The following GIPR variants were observed in gnomAD, a reference collection of about 807,000 sequenced individuals.
The protein encoded by GIPR is GIP-R.
GIPR carries 74 observed loss-of-function variants against 62.2 expected under a neutral mutation model. The ratio of observed to expected loss-of-function variants is 1.19; its 90% CI spans 0.99 to 1.44. The LOEUF (loss-of-function observed/expected upper bound fraction) is 1.44. Among genes scored for constraint, GIPR ranks in the 40% most tolerant of loss-of-function variants. The pLI is 0.00. For synonymous variants in GIPR, 256 were observed against 262.2 expected (o/e 0.98, Z 0.23); for missense variants, 664 against 611.8 (o/e 1.09, Z -0.90).
chr19:45,670,951 C>T (rs112552339), intron 3 of GIPR, among the ~76,000 whole-genome samples: 1 of 151,670 alleles, frequency 6.6e-6, no homozygotes, highest in African/African-American at 2.4e-5. Flanking sequence ...TTGGGCGGGG[C>T]CTGCACAGAA....
Position 45,670,749 on chromosome 19 carries a change from G to T in GIPR, c.172+15G>T, listed in dbSNP as rs1975491245. On this transcript the variant is annotated intron_variant, in intron 3 of 13. Coordinates refer to ENST00000590918, the MANE Select transcript of GIPR (RefSeq NM_000164.4). Reference sequence around the variant, plus strand: ...ACCGCCTTCAGGTGTGACCAGGAGGGCTGGGGACGCGGGGAGGACCTGAGG... The same window carrying T: ...ACCGCCTTCAGGTGTGACCAGGAGGTCTGGGGACGCGGGGAGGACCTGAGG... 6.5e-7 allele frequency: 1 copy of T among 1,534,278 alleles called. No individual in the cohort carries two copies. The highest frequency in any genetic ancestry group is 8.9e-7 in the Non-Finnish European group (1 of 1,117,502).
At chr19:45,673,791 G>C (rs892174526) in intron 5 of GIPR, among the ~76,000 whole-genome samples, 4 of 152,214 alleles carry the variant, frequency 2.6e-5, no homozygotes, top group South Asian at 2.1e-4. Context: ...TTGGGCCCTG[G>C]GGGGCGAGGC....
At chr19:45,680,899 C>T (rs921908458) in intron 12 of GIPR, among the ~76,000 whole-genome samples, 5 of 150,678 alleles carry the variant, frequency 3.3e-5, no homozygotes, top group Non-Finnish European at 5.9e-5. Flanking sequence ...TAAATTTTCA[C>T]AACTACTACT....
At chr19:45,670,604 T>C in intron 2 of GIPR, 31 bp from the exon 3 acceptor site, 1 of 1,515,666 alleles carries the variant, frequency 6.6e-7, no homozygotes, top group Non-Finnish European at 9.1e-7. Context: ...GGGGTCGGTC[T>C]GGGGGGGTCC....
At position 45,676,937 on chromosome 19, in the gene GIPR, G is replaced by A. The variant is rs1170219555; in HGVS notation, c.634-12G>A. 1 of 1,613,300 alleles carries A rather than the reference G, an allele frequency of 6.2e-7. No individual in the cohort carries two copies. Among genetic ancestry groups the A allele is most frequent in the South Asian group, 1.1e-5 (1 of 91,076 alleles). ...CGCTGACTACCCCTCTACCGGTCTGGCCCCTCCCTAGGCCCTCGCTGCCTG... is the reference window on the plus strand; with the variant it reads ...CGCTGACTACCCCTCTACCGGTCTGACCCCTCCCTAGGCCCTCGCTGCCTG... On this transcript the variant is annotated splice_polypyrimidine_tract_variant and intron_variant, in intron 7 of 13. Transcript: ENST00000590918.
chr19:45,678,987 C>T (rs1967098117), intron 12 of GIPR, among the ~76,000 whole-genome samples: 1 of 152,218 alleles, frequency 6.6e-6, no homozygotes, highest in Non-Finnish European at 1.5e-5. Flanking sequence ...TGCTTCACCT[C>T]ATTCGGCCTG....
intron 7 of GIPR, among the ~76,000 whole-genome samples, chr19:45,675,723 C>T (rs1274493800): frequency 6.6e-6 from 1 of 151,076 alleles, no homozygotes; most frequent in Non-Finnish European, 1.5e-5. Flanking sequence ...CCCACCTCTA[C>T]AAAAACATAC....
rs191937467 is a variant in GIPR, at chr19:45,674,137, G to A, written c.448G>A (p.Ala150Thr). The A allele has an allele frequency of 2.1e-4, 342 of 1,613,434 alleles. No homozygotes were observed. The highest frequency in any genetic ancestry group is 2.6e-4 in the Non-Finnish European group (305 of 1,179,556). Residue 150 changes from alanine (A) to threonine (T), a missense_variant, in exon 6 of 14, where the codon GCC becomes ACC. Coordinates refer to ENST00000590918, the MANE Select transcript of GIPR (RefSeq NM_000164.4). The stretch of plus-strand genomic sequence containing the variant: ...CACTGTCGGCTACTCCCTGTCTCTC[G>A]CCACACTGCTGCTAGCCCTGCTCAT... ...MYTVGYSLSL[A>T]TLLLALLILS...
intron 8 of GIPR, 23 bp downstream of exon 8, chr19:45,677,131 G>T: frequency 6.2e-7 from 1 of 1,610,506 alleles, no homozygotes. Context: ...CCCGTCCCCC[G>T]CCCAACCCAG....
Position 45,681,741 on chromosome 19 carries a change from A to G in GIPR, c.1207A>G (p.Ile403Val), listed in dbSNP as rs370966823. ...CATCGTCTCACAGGTGCAGTCGGAGATCCGCCGTGGCTGGCACCACTGCCG... is the reference window on the plus strand; with the variant it reads ...CATCGTCTCACAGGTGCAGTCGGAGGTCCGCCGTGGCTGGCACCACTGCCG... ...CFINKEVQSE[I>V]RRGWHHCRLR... The change falls in exon 14 of 14, where the codon ATC becomes GTC. Residue 403 changes from isoleucine to valine, a missense_variant. Transcript: ENST00000590918. 44 of 1,610,176 alleles carry G rather than the reference A, an allele frequency of 2.7e-5. No individual in the cohort carries two copies. In the African/African-American group the frequency reaches 5.6e-4, roughly 21 times the overall value.
chr19:45,676,883 C>G (rs770244183), intron 7 of GIPR, 66 bp from the exon 8 acceptor site: 14 of 1,450,356 alleles, frequency 9.7e-6, no homozygotes, highest in South Asian at 1.1e-5. Context: ...GCGATCAAAG[C>G]TGGGGGAGAC....
rs1975779405 is a variant in GIPR at position 45,675,280 on chromosome 19, TAAG to T, written c.633+458_633+460del. The T allele has an allele frequency of 5.7e-5, 11 of 194,632 alleles. No individual in the cohort carries two copies. In the South Asian group the frequency reaches 9.9e-4, roughly 17 times the overall value. 12.1% of individuals were successfully genotyped at this position (194,632 alleles called of 1,614,324 possible). On this transcript the variant is annotated intron_variant, in intron 7 of 13. Coordinates refer to ENST00000590918, the MANE Select transcript of GIPR (RefSeq NM_000164.4). Reference sequence around the variant, plus strand: ...TTGAAAGTTGGACCATACCAATTGTTAAGAAGCCGCACGCACCCAGGCACAGTG... The same window carrying T: ...TTGAAAGTTGGACCATACCAATTGTTAAGCCGCACGCACCCAGGCACAGTG...
rs780115565 is a variant in GIPR, at chr19:45,683,672, G to A, written c.*1737G>A. 1 of 152,248 alleles carries A rather than the reference G, an allele frequency of 6.6e-6. No homozygotes were observed. Among genetic ancestry groups the A allele is most frequent in the Non-Finnish European group, 1.5e-5 (1 of 68,064 alleles). 9.4% of individuals were successfully genotyped at this position (152,248 alleles called of 1,614,324 possible). Reference sequence around the variant, plus strand: ...ACACCCTGCCTTGTGGGTTCTCGCGGGGTGGGGGCCTTAGGGCAAGGCTCT... The same window carrying A: ...ACACCCTGCCTTGTGGGTTCTCGCGAGGTGGGGGCCTTAGGGCAAGGCTCT... On this transcript the variant is annotated 3_prime_UTR_variant, in exon 14 of 14. Transcript: ENST00000590918.
intron 5 of GIPR, 119 bp from the exon 6 acceptor site, chr19:45,673,954 GT>G: frequency 1.3e-6 from 1 of 774,790 alleles, no homozygotes; most frequent in East Asian, 2.4e-5. Context: ...AGGGTAAGCA[GT>G]TCCCCAAGAT....
chr19:45,670,779 G>T, intron 3 of GIPR, 45 bp downstream of exon 3: 1 of 1,202,998 alleles, frequency 8.3e-7, no homozygotes, highest in Non-Finnish European at 1.2e-6. Context: ...CTGAGGCTGA[G>T]AGGGGTGGGC....
rs780245575 is a variant in GIPR at position 45,669,486 on chromosome 19, C to T, written c.-35C>T. On this transcript the variant is annotated 5_prime_UTR_variant, in exon 2 of 14. Transcript: ENST00000590918. Reference sequence around the variant, plus strand: ...CCCTGGGACCCTCCAGGCCTGATCGCCCCTGCACGAACCAGACCCTTCGCC... The same window carrying T: ...CCCTGGGACCCTCCAGGCCTGATCGTCCCTGCACGAACCAGACCCTTCGCC... 7.7e-6 allele frequency: 12 copies of T among 1,555,948 alleles called. No individual in the cohort carries two copies. Among genetic ancestry groups the T allele is most frequent in the Non-Finnish European group, 8.7e-6 (10 of 1,153,598 alleles).
chr19:45,677,414 G>A, intron 9 of GIPR, 31 bp downstream of exon 9: 2 of 1,115,622 alleles, frequency 1.8e-6, no homozygotes, highest in Non-Finnish European at 2.7e-6. Flanking sequence ...CGGGGCGTGG[G>A]AGGTGGGCGG....
At chr19:45,674,505 G>A (rs573537469) in intron 6 of GIPR, 177 bp from the exon 7 acceptor site, 33 of 664,660 alleles carry the variant, frequency 5.0e-5, no homozygotes, top group South Asian at 4.7e-4. Context: ...ATAGGGGGGC[G>A]CTGAGACAGG....
chr19:45,671,473 C>G (rs1273659205), intron 4 of GIPR, 81 bp downstream of exon 4: 1 of 865,472 alleles, frequency 1.2e-6, no homozygotes, highest in Non-Finnish European at 2.0e-6. Context: ...ACATCCGAGT[C>G]CCACAGCTCA....
Sources: gnomAD v4.1 joint callset for allele counts (sites outside exome capture counted in the v4.1 genomes callset) on GRCh38, gnomAD v4.1.1 for gene constraint, MANE v1.5 for transcripts, NCBI Gene and HGNC (gene_info 2026-07-23, HGNC 2026-07-21) for gene names.